Variants in PTPRD observed in about 807,000 individuals in gnomAD.
PTPRD encodes protein tyrosine phosphatase receptor type D, also known as receptor-type tyrosine-protein phosphatase delta.
PTPRD carries 34 observed loss-of-function variants against 214.5 expected under a neutral mutation model. The ratio of observed to expected loss-of-function variants is 0.16; its 90% CI spans 0.12 to 0.21. The LOEUF (loss-of-function observed/expected upper bound fraction) is 0.21. Ranked by LOEUF, PTPRD falls within the 10% of genes least tolerant of loss-of-function variation. PTPRD has a pLI of 1.00. For missense variants in PTPRD, 2,545 were observed against 2,398.7 expected, an observed-to-expected ratio of 1.06 and a Z score of -1.27; for synonymous variants, 1,128 against 845.7, an observed-to-expected ratio of 1.33 and a Z score of -5.79.
chr9:10,028,356 T>G (rs1319073419), intron 4 of PTPRD, among the ~76,000 whole-genome samples: 3 of 152,054 alleles, frequency 2.0e-5, no homozygotes, highest in Non-Finnish European at 2.9e-5. Flanking sequence ...TTGGTACCAG[T>G]AGAGTGGAGC....
intron 3 of PTPRD, among the ~76,000 whole-genome samples, chr9:10,330,446 T>C (rs2096728481): frequency 6.6e-6 from 1 of 151,838 alleles, no homozygotes; most frequent in African/African-American, 2.4e-5. Flanking sequence ...CTTCTATGTT[T>C]ATTACAATCT....
chr9:10,459,112 T>C (rs1034079704), intron 2 of PTPRD, among the ~76,000 whole-genome samples: 1 of 152,174 alleles, frequency 6.6e-6, no homozygotes, highest in Admixed American at 6.5e-5. Context: ...TGTGTTCTCA[T>C]CGTTCAGCTC....
chr9:10,295,760 C>T (rs1029701686), intron 3 of PTPRD, among the ~76,000 whole-genome samples: 2 of 151,944 alleles, frequency 1.3e-5, no homozygotes, highest in African/African-American at 2.4e-5. Context: ...TACCCTTACC[C>T]GGGTGGGTCC....
chr9:10,534,283 A>C (rs188934522), intron 2 of PTPRD, among the ~76,000 whole-genome samples: 2 of 152,160 alleles, frequency 1.3e-5, no homozygotes, highest in African/African-American at 4.8e-5. Flanking sequence ...AACTTAAAAT[A>C]CAGCATATTA....
intron 12 of PTPRD, among the ~76,000 whole-genome samples, chr9:8,655,867 C>T (rs566495874): frequency 1.3e-5 from 2 of 152,014 alleles, no homozygotes; most frequent in Non-Finnish European, 2.9e-5. Context: ...ATAGACAGTG[C>T]TATCCAAGAA....
In PTPRD at chr9:10,425,881, T is replaced by G. The variant is rs75622312; in HGVS notation, c.-599-84864A>C. Among the ~76,000 whole-genome samples, 68 of 152,100 alleles carry G rather than the reference T, an allele frequency of 4.5e-4. No homozygotes were observed. In the East Asian group the frequency reaches 8.9e-3, roughly 20 times the overall value. On this transcript the variant is annotated intron_variant, in intron 2 of 45. Transcript: ENST00000381196. ...TATATTCATAAGTCATATACAATTT[T>G]TATTTACTTTTCTGAACATCTTATT...
chr9:9,127,558 T>C (rs1325874466), intron 10 of PTPRD, among the ~76,000 whole-genome samples: 1 of 152,186 alleles, frequency 6.6e-6, no homozygotes, highest in Non-Finnish European at 1.5e-5. Flanking sequence ...TCAATGATAA[T>C]GGATGTCTAT....
At chr9:8,442,238 C>T (rs772723554) in intron 34 of PTPRD, among the ~76,000 whole-genome samples, 16 of 152,136 alleles carry the variant, frequency 1.1e-4, no homozygotes, top group Non-Finnish European at 7.4e-5. Flanking sequence ...GGTATTTTTG[C>T]TTTTCAAAAG....
Position 8,901,857 on chromosome 9 carries a change from A to T in PTPRD, c.-104+116840T>A, listed in dbSNP as rs116298558. ...ATAGTCATACTAATGATTTTCATAC[A>T]TATAAGATGATGAAATCCTTCTCTG... On this transcript the variant is annotated intron_variant, in intron 11 of 45. Transcript: ENST00000381196. 1.5e-3 allele frequency among the ~76,000 whole-genome samples: 224 copies of T among 152,302 alleles called. 1 individual carries two copies. Among genetic ancestry groups the T allele is most frequent in the African/African-American group, 5.1e-3 (212 of 41,560 alleles).
At chr9:10,365,203 G>A (rs1027687803) in intron 2 of PTPRD, among the ~76,000 whole-genome samples, 1 of 152,066 alleles carries the variant, frequency 6.6e-6, no homozygotes, top group Admixed American at 6.5e-5. Flanking sequence ...CCTCAGACAG[G>A]CTTTTTAAAA....
chr9:8,700,716 A>G (rs553242912), intron 12 of PTPRD: 1 of 152,300 alleles, frequency 6.6e-6, no homozygotes, highest in African/African-American at 2.4e-5. Flanking sequence ...CACACACACA[A>G]ATCTGAAGTT....
intron 2 of PTPRD, among the ~76,000 whole-genome samples, chr9:10,353,435 T>G (rs1294049429): frequency 6.6e-6 from 1 of 152,014 alleles, no homozygotes; most frequent in Non-Finnish European, 1.5e-5. Flanking sequence ...ATTGAATACT[T>G]TGTTCACATC....
chr9:8,486,221 C>G lies in PTPRD; in HGVS notation c.2596G>C (p.Glu866Gln), dbSNP rs1392599086. Reference protein sequence around the residue: ...YRLKFGRKDMEPLTTLEFSEK... With the variant: ...YRLKFGRKDMQPLTTLEFSEK... ...GAGAACTCAAGAGTAGTAAGTGGCTCCATATCCTTGCGGCCAAATTTTAGA... is the reference window on the plus strand; with the variant it reads ...GAGAACTCAAGAGTAGTAAGTGGCTGCATATCCTTGCGGCCAAATTTTAGA... The change falls in exon 28 of 46, where the codon GAG becomes CAG. Residue 866 changes from glutamate (E) to glutamine (Q), a missense_variant. Glu to Gln is a conservative substitution (Grantham distance 29). Coordinates refer to ENST00000381196, the MANE Select transcript of PTPRD (RefSeq NM_002839.4). 6.2e-7 allele frequency: 1 copy of G among 1,614,202 alleles called. No homozygotes were observed. The highest frequency in any genetic ancestry group is 1.1e-5 in the South Asian group (1 of 91,080).
chr9:9,756,109 CT>C (rs1467702464), intron 6 of PTPRD, among the ~76,000 whole-genome samples: 3 of 152,002 alleles, frequency 2.0e-5, no homozygotes, highest in Non-Finnish European at 4.4e-5. Context: ...GGAAAACTCC[CT>C]CCTTCTTTCA....
rs2132429927 is a variant in PTPRD, at chr9:8,341,162, C to T, written c.5054G>A (p.Arg1685Lys). The change falls in exon 41 of 46, where the codon AGG becomes AAG. Residue 1685 changes from arginine to lysine, a missense_variant. Physicochemically the swap from Arg to Lys is conservative, Grantham distance 26. Transcript: ENST00000381196. Reference protein sequence around the residue: ...LVNIMPYESTRVCLQPIRGVE... With the variant: ...LVNIMPYESTKVCLQPIRGVE... The stretch of plus-strand genomic sequence containing the variant: ...TCCACGGATAGGCTGCAGGCATACC[C>T]TTGTGGATTCATATGGCATAATATT... The T allele has an allele frequency of 2.5e-6, 4 of 1,613,082 alleles. No homozygotes were observed. Among genetic ancestry groups the T allele is most frequent in the Non-Finnish European group, 3.4e-6 (4 of 1,179,462 alleles).
intron 15 of PTPRD, chr9:8,528,260 A>G (rs1364206794): frequency 7.0e-6 from 3 of 426,416 alleles, no homozygotes. Context: ...TCAAAAGAAA[A>G]CAGAGAAAGA....
Position 10,483,697 on chromosome 9 carries a change from G to A in PTPRD, c.-600+128701C>T, listed in dbSNP as rs2099114813. ...AAGCACTCAATGTCACTAATCATCAGGGAATTACAAATTAAAACTGCAATG... is the reference window on the plus strand; with the variant it reads ...AAGCACTCAATGTCACTAATCATCAAGGAATTACAAATTAAAACTGCAATG... On this transcript the variant is annotated intron_variant, in intron 2 of 45. Transcript: ENST00000381196. 2.0e-5 allele frequency among the ~76,000 whole-genome samples: 3 copies of A among 152,016 alleles called. No individual in the cohort carries two copies. In the South Asian group the frequency reaches 6.2e-4, roughly 31 times the overall value.
intron 3 of PTPRD, among the ~76,000 whole-genome samples, chr9:10,249,750 G>C (rs894011888): frequency 6.6e-6 from 1 of 151,964 alleles, no homozygotes; most frequent in African/African-American, 2.4e-5. Context: ...AAATGCAGTT[G>C]TCTTGCATTT....
chr9:9,719,315 A>G (rs116140205), intron 7 of PTPRD, among the ~76,000 whole-genome samples: 61 of 152,220 alleles, frequency 4.0e-4, no homozygotes, highest in African/African-American at 1.4e-3. Context: ...CTTCTTGGAC[A>G]TGGGACAAGA....
Sources: gnomAD v4.1 joint callset for allele counts (sites outside exome capture counted in the v4.1 genomes callset) on GRCh38, gnomAD v4.1.1 for gene constraint, MANE v1.5 for transcripts, NCBI Gene and HGNC (gene_info 2026-07-23, HGNC 2026-07-21) for gene names.